Variants in NRG3 observed in about 807,000 individuals in gnomAD.
NRG3 encodes the protein pro-neuregulin-3, membrane-bound isoform.
In NRG3, 31 loss-of-function variants were observed where a neutral mutation model predicts 66.9. That is an observed-to-expected ratio of 0.46 (90% CI 0.35 to 0.63). The LOEUF (loss-of-function observed/expected upper bound fraction) is 0.63. Among genes scored for constraint, NRG3 ranks in the 20% least tolerant of loss-of-function variants. The probability of loss-of-function intolerance (pLI) is 0.00; values close to 1 mark genes in which losing one functional copy is unlikely to be tolerated. For synonymous variants in NRG3, 393 were observed against 359.4 expected (o/e 1.09, Z -1.06); for missense variants, 910 against 878.9 (o/e 1.04, Z -0.45).
Position 82,010,876 on chromosome 10 carries a change from G to A in NRG3, c.823+134713G>A, listed in dbSNP as rs977352903. The stretch of plus-strand genomic sequence containing the variant: ...CAAGAAACCTCACTGATGAACAGAA[G>A]CCCCTCAACTTCAGATTGCAACCTC... On this transcript the variant is annotated intron_variant, in intron 1 of 8. Transcript: ENST00000372141. 3.3e-5 allele frequency among the ~76,000 whole-genome samples: 5 copies of A among 152,146 alleles called. No homozygotes were observed. In the East Asian group the frequency reaches 7.7e-4, roughly 23 times the overall value.
chr10:82,197,565 A>G (rs1333091847), intron 1 of NRG3, among the ~76,000 whole-genome samples: 4 of 152,162 alleles, frequency 2.6e-5, no homozygotes, highest in African/African-American at 9.7e-5. Context: ...TTATATTTTC[A>G]TTGATAATTT....
At chr10:82,551,401 A>G (rs2132888779) in intron 2 of NRG3, among the ~76,000 whole-genome samples, 1 of 152,180 alleles carries the variant, frequency 6.6e-6, no homozygotes, top group Non-Finnish European at 1.5e-5. Flanking sequence ...CTCATAGAGG[A>G]GGAAAAAAGT....
chr10:82,031,404 A>T (rs1337845843), intron 1 of NRG3, among the ~76,000 whole-genome samples: 1 of 152,026 alleles, frequency 6.6e-6, no homozygotes, highest in Non-Finnish European at 1.5e-5. Flanking sequence ...TAATATTCTA[A>T]CTCTTTATCC....
intron 2 of NRG3, among the ~76,000 whole-genome samples, chr10:82,733,140 G>T (rs371065698): frequency 6.3e-4 from 96 of 152,216 alleles, no homozygotes; most frequent in African/African-American, 2.3e-3. Context: ...TAAAATCAAG[G>T]TCCAAAGAAG....
chr10:81,954,725 G>T (rs1849667350), intron 1 of NRG3, among the ~76,000 whole-genome samples: 1 of 152,136 alleles, frequency 6.6e-6, no homozygotes, highest in South Asian at 2.1e-4. Context: ...TTTAGGCATT[G>T]TAGACATTTG....
chr10:82,147,940 T>C (rs1359672085), intron 1 of NRG3, among the ~76,000 whole-genome samples: 2 of 152,212 alleles, frequency 1.3e-5, no homozygotes, highest in Non-Finnish European at 2.9e-5. Context: ...TTCGACAAGA[T>C]ATTTCAAGAA....
chr10:81,911,727 CCA>C (rs112669396), intron 1 of NRG3, among the ~76,000 whole-genome samples: 26 of 145,774 alleles, frequency 1.8e-4, no homozygotes, highest in South Asian at 4.5e-4. Flanking sequence ...TTCCCCGTTA[CCA>C]CACACACACA....
chr10:82,489,631 G>T lies in NRG3; in HGVS notation c.953+130763G>T, dbSNP rs369076827. On this transcript the variant is annotated intron_variant, in intron 2 of 8. Transcript: ENST00000372141. The stretch of plus-strand genomic sequence containing the variant: ...TCATCAAAGAGCATGCCTGTTGATT[G>T]TGCAGAAGGCATCCATTTTAGAGAA... 1.6e-4 allele frequency among the ~76,000 whole-genome samples: 24 copies of T among 152,302 alleles called. No individual in the cohort carries two copies. In the East Asian group the frequency reaches 2.9e-3, roughly 18 times the overall value.
rs186941270 is a variant in NRG3, at chr10:82,727,356, C to T, written c.954-11221C>T. The stretch of plus-strand genomic sequence containing the variant: ...AAAAAAATGGTTTTGTGGGCCAGGC[C>T]TAGGGCCCCTCTGCTATGTGCAGTC... On this transcript the variant is annotated intron_variant, in intron 2 of 8. Coordinates refer to ENST00000372141, the MANE Select transcript of NRG3 (RefSeq NM_001010848.4). Among the ~76,000 whole-genome samples, 383 of 152,242 alleles carry T rather than the reference C, an allele frequency of 2.5e-3. No individual in the cohort carries two copies. The Middle Eastern group carries it at 0.031, about 12-fold the overall frequency.
chr10:82,944,099 A>T (rs1394063366), intron 4 of NRG3, among the ~76,000 whole-genome samples: 4 of 152,198 alleles, frequency 2.6e-5, no homozygotes, highest in African/African-American at 9.6e-5. Context: ...CACTGATAAT[A>T]TACCATCATT....
At chr10:82,653,688 AATCCTGCCAAGAGTG>A (rs2051615362) in intron 2 of NRG3, among the ~76,000 whole-genome samples, 1 of 151,916 alleles carries the variant, frequency 6.6e-6, no homozygotes, top group East Asian at 1.9e-4. Flanking sequence ...GGATCACCAT[AATCCTGCCAAGAGTG>A]AAAGTAATAG....
At chr10:82,922,027 G>A (rs548305567) in intron 4 of NRG3, among the ~76,000 whole-genome samples, 1 of 151,942 alleles carries the variant, frequency 6.6e-6, no homozygotes, top group South Asian at 2.1e-4. Context: ...CATTGTTATC[G>A]TGTATGAACT....
In NRG3 at chr10:82,092,915, G is replaced by T. The variant is rs190391226; in HGVS notation, c.823+216752G>T. ...GAACATAAAGGGGTGAGGGAAACTGGTGCAAACATGAAGTGCATATTACTT... is the reference window on the plus strand; with the variant it reads ...GAACATAAAGGGGTGAGGGAAACTGTTGCAAACATGAAGTGCATATTACTT... On this transcript the variant is annotated intron_variant, in intron 1 of 8. Transcript: ENST00000372141. 1.2e-3 allele frequency among the ~76,000 whole-genome samples: 180 copies of T among 152,236 alleles called. 1 individual carries two copies. Among genetic ancestry groups the T allele is most frequent in the African/African-American group, 4.2e-3 (174 of 41,538 alleles).
At chr10:82,021,830 G>T (rs1469285827) in intron 1 of NRG3, among the ~76,000 whole-genome samples, 1 of 140,898 alleles carries the variant, frequency 7.1e-6, no homozygotes, top group Non-Finnish European at 1.5e-5. Flanking sequence ...GTGTGTGTGT[G>T]TGTGTCTTGA....
chr10:81,969,984 G>T (rs143703781), intron 1 of NRG3, among the ~76,000 whole-genome samples: 1 of 152,028 alleles, frequency 6.6e-6, no homozygotes, highest in Non-Finnish European at 1.5e-5. Flanking sequence ...AGGAGACTCC[G>T]ATTTAAATAT....
At chr10:82,914,682 A>G (rs1257396020) in intron 4 of NRG3, among the ~76,000 whole-genome samples, 2 of 151,384 alleles carry the variant, frequency 1.3e-5, no homozygotes, top group African/African-American at 4.8e-5. Flanking sequence ...TTATTATTCT[A>G]TGATGAGAGC....
At chr10:82,134,657 T>C (rs2069189260) in intron 1 of NRG3, among the ~76,000 whole-genome samples, 2 of 152,154 alleles carry the variant, frequency 1.3e-5, no homozygotes, top group Non-Finnish European at 2.9e-5. Context: ...TTTTGGTTAT[T>C]GTAGCCCTGT....
intron 2 of NRG3, among the ~76,000 whole-genome samples, chr10:82,545,976 A>G (rs2043887428): frequency 1.3e-5 from 2 of 150,516 alleles, no homozygotes; most frequent in Non-Finnish European, 3.0e-5. Flanking sequence ...ACCGGGTGTT[A>G]GCCAGGATAG....
At chr10:81,944,573 A>G (rs11816151) in intron 1 of NRG3, among the ~76,000 whole-genome samples, 7,689 of 152,252 alleles carry the variant, frequency 0.051, 558 homozygotes, top group African/African-American at 0.16. Context: ...TATAAAACTA[A>G]ATGATTGGTA....
Sources: gnomAD v4.1 joint callset for allele counts (sites outside exome capture counted in the v4.1 genomes callset) on GRCh38, gnomAD v4.1.1 for gene constraint, MANE v1.5 for transcripts, NCBI Gene and HGNC (gene_info 2026-07-23, HGNC 2026-07-21) for gene names.